TET2: variants seen among roughly 807,000 people sequenced by gnomAD.
TET2 encodes methylcytosine dioxygenase TET2.
A neutral mutation model predicts 142.9 loss-of-function variants in TET2; 299 were observed. The observed-to-expected ratio is 2.09, with a 90% CI of 1.90 to 2.30. The LOEUF is 2.30. TET2 is among the 30% of genes most tolerant of loss of function. The pLI is 0.00. For synonymous variants in TET2, 819 were observed against 849.0 expected, an observed-to-expected ratio of 0.96 and a Z score of 0.61; for missense variants, 2,418 against 2,378.0, an observed-to-expected ratio of 1.02 and a Z score of -0.35.
rs1039034250 is a variant in TET2 at position 105,236,411 on chromosome 4, G to C, written c.2469G>C (p.Met823Ile). 6.2e-7 allele frequency: 1 copy of C among 1,614,016 alleles called. No homozygotes were observed. Among genetic ancestry groups the C allele is most frequent in the African/African-American group, 1.3e-5 (1 of 75,054 alleles). The change falls in exon 3 of 11, where the codon ATG becomes ATC. Residue 823 changes from methionine (M) to isoleucine (I), a missense_variant. By Grantham distance (10) the Met-to-Ile change is conservative. Transcript: ENST00000380013. Reference protein sequence around the residue: ...NRRNSPYSQTMKSSACKIQVS... With the variant: ...NRRNSPYSQTIKSSACKIQVS... ...GAAATTCCCCTTATAGTCAGACCAT[G>C]AAATCAAGTGCATGCAAAATACAGG...
At position 105,275,374 on chromosome 4, in the gene TET2, T is replaced by A; in HGVS notation, c.4864T>A (p.Leu1622Met). The part of the protein sequence containing the change: ...SNPMNPYPGL[L>M]NQNTQYPSYQ... The stretch of plus-strand genomic sequence containing the variant: ...TCCCATGAACCCTTACCCTGGGCTT[T>A]TGAATCAGAATACCCAATATCCATC... The change falls in exon 11 of 11, where the codon TTG becomes ATG. Residue 1622 changes from leucine to methionine, a missense_variant. Transcript: ENST00000380013. 6.4e-7 allele frequency: 1 copy of A among 1,551,692 alleles called. No individual in the cohort carries two copies. Among genetic ancestry groups the A allele is most frequent in the Non-Finnish European group, 8.7e-7 (1 of 1,146,988 alleles).
At chr4:105,165,237 G>T (rs181187553) in intron 1 of TET2, among the ~76,000 whole-genome samples, 314 of 152,190 alleles carry the variant, frequency 2.1e-3, no homozygotes, top group African/African-American at 6.9e-3. Context: ...TTAGCCAGGC[G>T]TGGTGGTGGG....
rs1249798304 is a variant in TET2, at chr4:105,227,672, G to T, written c.-46-6225G>T. Among the ~76,000 whole-genome samples, 3 of 152,198 alleles carry T rather than the reference G, an allele frequency of 2.0e-5. No homozygotes were observed. In the South Asian group the frequency reaches 6.2e-4, roughly 32 times the overall value. On this transcript the variant is annotated intron_variant, in intron 2 of 10. Transcript: ENST00000380013. The stretch of plus-strand genomic sequence containing the variant: ...TTCTGATGAGTCATTTATAAGAGCA[G>T]ATATGAATTAAAATTATATTTTTGT...
intron 6 of TET2, among the ~76,000 whole-genome samples, chr4:105,250,986 C>T (rs896443201): frequency 2.0e-5 from 3 of 152,106 alleles, no homozygotes; most frequent in Non-Finnish European, 4.4e-5. Context: ...CTGGCCTGTA[C>T]TTCTGTTAAA....
At chr4:105,170,065 T>G (rs1724376840) in intron 1 of TET2, among the ~76,000 whole-genome samples, 1 of 152,210 alleles carries the variant, frequency 6.6e-6, no homozygotes, top group African/African-American at 2.4e-5. Context: ...GTGGGTTCTT[T>G]TTTGTTTTCA....
chr4:105,192,970 A>G (rs1163343697), intron 2 of TET2, among the ~76,000 whole-genome samples: 1 of 152,228 alleles, frequency 6.6e-6, no homozygotes, highest in East Asian at 1.9e-4. Flanking sequence ...GAGAACAGCC[A>G]AAAGACCTGG....
chr4:105,146,034 G>C (rs1381240645), upstream of TET2: 1 of 152,544 alleles, frequency 6.6e-6, no homozygotes. Flanking sequence ...AAAAGGGAAA[G>C]GAGAGCGCGG....
chr4:105,203,868 C>T (rs540364242), intron 2 of TET2, among the ~76,000 whole-genome samples: 114 of 152,186 alleles, frequency 7.5e-4, no homozygotes, highest in Non-Finnish European at 1.2e-3. Context: ...TCCTCCCACC[C>T]CTGTTTTTTA....
intron 6 of TET2, among the ~76,000 whole-genome samples, chr4:105,258,255 G>A (rs554253283): frequency 5.9e-5 from 9 of 152,082 alleles, no homozygotes; most frequent in African/African-American, 2.2e-4. Flanking sequence ...CTTTTATGGA[G>A]GATAAAATTT....
At chr4:105,184,902 G>T (rs1264301180) in intron 1 of TET2, among the ~76,000 whole-genome samples, 1 of 152,150 alleles carries the variant, frequency 6.6e-6, no homozygotes, top group Non-Finnish European at 1.5e-5. Context: ...CATTTCAACA[G>T]GAAGGAAACA....
chr4:105,276,835 T>TGGTGGGG lies in TET2; in HGVS notation c.*317_*318insGTGGGGG. ...TATTGGACGAGATGATATGTAAATGTGATCCCCCCCCCCCGCTTACAACTC... is the reference window on the plus strand; with the variant it reads ...TATTGGACGAGATGATATGTAAATGTGGTGGGGGATCCCCCCCCCCCGCTTACAACTC... On this transcript the variant is annotated 3_prime_UTR_variant, in exon 11 of 11. Transcript: ENST00000380013. The TGGTGGGG allele has an allele frequency of 8.8e-6, 2 of 228,246 alleles. No homozygotes were observed. Among genetic ancestry groups the TGGTGGGG allele is most frequent in the Non-Finnish European group, 1.6e-5 (2 of 125,254 alleles). The allele number at this position is 228,246 out of a possible 1,614,324, so 14.1% of individuals were successfully genotyped here. A position where few individuals can be genotyped will look rare whatever the true frequency, so the allele number is the denominator to read the frequency against.
chr4:105,241,898 A>G (rs1170839844), intron 4 of TET2: 6 of 1,243,988 alleles, frequency 4.8e-6, no homozygotes, highest in Non-Finnish European at 4.1e-6. Context: ...AGCAAGTGTG[A>G]TATGTTGAAT....
chr4:105,276,198 G>T lies in TET2; in HGVS notation c.5688G>T (p.Arg1896Ser). The change falls in exon 11 of 11, where the codon AGG becomes AGT. Residue 1896 changes from arginine (R) to serine (S), a missense_variant. By Grantham distance (110) the Arg-to-Ser change is moderately radical. Transcript: ENST00000380013. ...LKNPNRNHPT[R>S]ISLVFYQHKS... ...ATCCCAATAGGAATCACCCCACCAG[G>T]ATCTCCCTCGTCTTTTACCAGCATA... 6.4e-7 allele frequency: 1 copy of T among 1,551,582 alleles called. No homozygotes were observed.
intron 1 of TET2, among the ~76,000 whole-genome samples, chr4:105,162,819 T>A (rs1723926756): frequency 6.6e-6 from 1 of 152,224 alleles, no homozygotes; most frequent in Non-Finnish European, 1.5e-5. Context: ...TATAGAACTA[T>A]TTTGCTTAAC....
intron 10 of TET2, among the ~76,000 whole-genome samples, chr4:105,273,914 GA>G (rs113161465): frequency 1.8e-4 from 27 of 151,746 alleles, no homozygotes; most frequent in Non-Finnish European, 3.4e-4. Context: ...TTTGTAAAAA[GA>G]AAAAAAATCC....
chr4:105,269,426 A>G (rs1730841069), intron 8 of TET2, among the ~76,000 whole-genome samples, 184 bp from the exon 9 acceptor site: 1 of 152,216 alleles, frequency 6.6e-6, no homozygotes, highest in Non-Finnish European at 1.5e-5. Context: ...CAATAACACT[A>G]TAAAATAAAA....
rs575614116 is a variant in TET2 at position 105,279,618 on chromosome 4, T to A, written c.*3099T>A. The A allele has an allele frequency of 2.2e-4, 52 of 232,104 alleles. No individual in the cohort carries two copies. The Admixed American group carries it at 2.2e-3, about 10-fold the overall frequency. The allele number at this position is 232,104 out of a possible 1,614,324, so 14.4% of individuals were successfully genotyped here. ...CTGTGTGCATTTTTCTATGCTTTTTTAAAAACTAGTTTCATTTCATTTTCA... is the reference window on the plus strand; with the variant it reads ...CTGTGTGCATTTTTCTATGCTTTTTAAAAAACTAGTTTCATTTCATTTTCA... On this transcript the variant is annotated 3_prime_UTR_variant, in exon 11 of 11. Coordinates refer to ENST00000380013, the MANE Select transcript of TET2 (RefSeq NM_001127208.3).
In TET2 at chr4:105,234,536, A is replaced by G; in HGVS notation, c.594A>G (p.Val198=). The change falls in exon 3 of 11, where the codon GTA becomes GTG. Residue 198 remains valine, a synonymous_variant. Transcript: ENST00000380013. ...CTAATTACCATGACAAGAACATTGT[A>G]TTACTTAAAAACAAGGCAGTGCTAA... The part of the protein sequence containing the change: ...KSANYHDKNI[V]LLKNKAVLMP... The G allele has an allele frequency of 3.1e-6, 5 of 1,614,166 alleles. No individual in the cohort carries two copies. The highest frequency in any genetic ancestry group is 4.2e-6 in the Non-Finnish European group (5 of 1,180,002).
At chr4:105,154,430 T>C (rs772405423) in intron 1 of TET2, among the ~76,000 whole-genome samples, 2 of 152,222 alleles carry the variant, frequency 1.3e-5, no homozygotes, top group Non-Finnish European at 2.9e-5. Context: ...TCTAGGAAGA[T>C]GGCATCAAGG....
Sources: gnomAD v4.1 joint callset for allele counts (sites outside exome capture counted in the v4.1 genomes callset) on GRCh38, gnomAD v4.1.1 for gene constraint, MANE v1.5 for transcripts, NCBI Gene and HGNC (gene_info 2026-07-23, HGNC 2026-07-21) for gene names.